CCND3: variants seen among roughly 807,000 people sequenced by gnomAD.
The protein encoded by CCND3 is cyclin D3.
In CCND3, 9 loss-of-function variants were observed where a neutral mutation model predicts 28.7. That is an observed-to-expected ratio of 0.31 (90% CI 0.19 to 0.55). The LOEUF (loss-of-function observed/expected upper bound fraction) is 0.55, where lower values mean the gene tolerates loss of function less well. Among genes scored for constraint, CCND3 ranks in the 20% least tolerant of loss-of-function variants. The probability of loss-of-function intolerance (pLI) is 0.93; values close to 1 mark genes in which losing one functional copy is unlikely to be tolerated. For missense variants in CCND3, 315 were observed against 385.8 expected (o/e 0.82, Z 1.54); for synonymous variants, 164 against 163.9 (o/e 1.00, Z 0.00).
chr6:41,982,937 G>GA (rs1005193461), intron 1 of CCND3, among the ~76,000 whole-genome samples: 2 of 148,006 alleles, frequency 1.4e-5, no homozygotes, highest in African/African-American at 5.0e-5. Flanking sequence ...CTTCACTAAG[G>GA]TCAACTAAAA....
intron 1 of CCND3, among the ~76,000 whole-genome samples, chr6:42,030,689 A>G (rs1764018211): frequency 6.6e-6 from 1 of 152,112 alleles, no homozygotes; most frequent in African/African-American, 2.4e-5. Flanking sequence ...GGAGCGGCCC[A>G]GGGGAGAGTC....
At chr6:42,046,845 A>AT (rs923086931) in intron 1 of CCND3, among the ~76,000 whole-genome samples, 1 of 152,178 alleles carries the variant, frequency 6.6e-6, no homozygotes, top group Non-Finnish European at 1.5e-5. Context: ...TCAAGTGCAC[A>AT]TTTTTTGTGG....
intron 1 of CCND3, among the ~76,000 whole-genome samples, chr6:41,979,657 G>A (rs12204285): frequency 1.4e-5 from 2 of 145,346 alleles, no homozygotes; most frequent in Non-Finnish European, 3.0e-5. Flanking sequence ...ATATATATAT[G>A]TATATATATA....
rs983473024 is a variant in CCND3 at position 41,938,817 on chromosome 6, G to T, written c.415-1423C>A. Among the ~76,000 whole-genome samples, 1 of 152,174 alleles carries T rather than the reference G, an allele frequency of 6.6e-6. No homozygotes were observed. The highest frequency in any genetic ancestry group is 6.5e-5 in the Admixed American group (1 of 15,276). ...CAGTGCGATGCTGAGGCAGGACCTT[G>T]CCCTCCTTCCTTGGGCCTCAGCCTC... On this transcript the variant is annotated intron_variant, in intron 2 of 4. Transcript: ENST00000372991. This position sits in a 1 kb window ranked among gnomAD's most constrained non-coding sequence, Gnocchi z 4.6.
chr6:41,974,615 C>T (rs1460141841), intron 1 of CCND3, among the ~76,000 whole-genome samples: 1 of 152,118 alleles, frequency 6.6e-6, no homozygotes, highest in Non-Finnish European at 1.5e-5. Flanking sequence ...AACAGCCCAA[C>T]TTAGCCGGGT....
At chr6:42,012,477 C>T (rs909857953) in intron 1 of CCND3, among the ~76,000 whole-genome samples, 2 of 127,384 alleles carry the variant, frequency 1.6e-5, no homozygotes, top group African/African-American at 8.1e-5. Context: ...ATGGTATGTG[C>T]TGTAATCCCA....
chr6:41,946,595 CAAAAAAAAAAA>C (rs35369019), upstream of CCND3, among the ~76,000 whole-genome samples: 11 of 20,932 alleles, frequency 5.3e-4, no homozygotes, highest in African/African-American at 1.5e-3. Context: ...AGACCTGTCT[CAAAAAAAAAAA>C]AAAAAAAAAA....
chr6:42,046,609 CAG>C (rs1232360504), intron 1 of CCND3, among the ~76,000 whole-genome samples: 1 of 152,170 alleles, frequency 6.6e-6, no homozygotes, highest in Non-Finnish European at 1.5e-5. Flanking sequence ...GAGGCTTACA[CAG>C]GGGGAAACAT....
chr6:41,952,457 C>G (rs1172927351), intron 1 of CCND3, among the ~76,000 whole-genome samples: 1 of 152,172 alleles, frequency 6.6e-6, no homozygotes, highest in African/African-American at 2.4e-5. Flanking sequence ...GCTATTGTAC[C>G]TGAGGCGTGA....
chr6:42,004,094 AT>A (rs59415651), intron 1 of CCND3, among the ~76,000 whole-genome samples: 1,476 of 130,586 alleles, frequency 0.011, 21 homozygotes, highest in African/African-American at 0.035. Flanking sequence ...GTGTGTATGT[AT>A]TTTTTTTTTT....
chr6:41,947,016 G>A lies in CCND3; in HGVS notation c.-45-6431C>T, dbSNP rs188654872. Among the ~76,000 whole-genome samples, 10 of 151,996 alleles carry A rather than the reference G, an allele frequency of 6.6e-5. No individual in the cohort carries two copies. In the East Asian group the frequency reaches 7.7e-4, roughly 12 times the overall value. Reference sequence around the variant, plus strand: ...GGGCAGATCACGAGGTCAGGAGATCGAGACCAGCCTAACCAACATGGTGAA... The same window carrying A: ...GGGCAGATCACGAGGTCAGGAGATCAAGACCAGCCTAACCAACATGGTGAA... On this transcript the variant is annotated intron_variant, in intron 1 of 4. Coordinates refer to the CCND3 transcript ENST00000372988.
intron 1 of CCND3, among the ~76,000 whole-genome samples, chr6:42,019,070 A>G (rs60147533): frequency 0.024 from 3,657 of 152,274 alleles, 119 homozygotes; most frequent in East Asian, 0.15. Context: ...AAACTACTCC[A>G]TATTTTCTAT....
chr6:41,987,537 G>C (rs956572800), intron 1 of CCND3, among the ~76,000 whole-genome samples: 1 of 150,284 alleles, frequency 6.7e-6, no homozygotes, highest in African/African-American at 2.4e-5. Flanking sequence ...GTGTGTGTGT[G>C]TGTGTGTGTG....
In CCND3 at chr6:41,941,704, G is replaced by C; in HGVS notation, c.-55C>G. 8.1e-7 allele frequency: 1 copy of C among 1,239,740 alleles called. No homozygotes were observed. Among genetic ancestry groups the C allele is most frequent in the Non-Finnish European group, 1.0e-6 (1 of 970,334 alleles). The allele number at this position is 1,239,740 out of a possible 1,614,324, so 76.8% of individuals were successfully genotyped here. On this transcript the variant is annotated 5_prime_UTR_variant, in exon 1 of 5. Transcript: ENST00000372991. This position sits in a 1 kb window ranked among gnomAD's most constrained non-coding sequence, Gnocchi z 6.1. ...TGCGGGCTCGCGAGTCCCAAGGCAG[G>C]CGACGGGCCGGAGAGCGCGGGGCGC... is the stretch of plus-strand genomic sequence containing the variant.
At chr6:41,956,148 C>T (rs1387141183) in intron 1 of CCND3, among the ~76,000 whole-genome samples, 2 of 151,920 alleles carry the variant, frequency 1.3e-5, no homozygotes, top group East Asian at 1.9e-4. Context: ...AAAAATTAGC[C>T]GGGTGTGGTG....
At chr6:41,976,920 A>T (rs1762200713) in intron 1 of CCND3, among the ~76,000 whole-genome samples, 3 of 152,176 alleles carry the variant, frequency 2.0e-5, no homozygotes, top group Admixed American at 2.0e-4. Flanking sequence ...GTTCAGGGTC[A>T]TAGGGCAGCA....
chr6:42,022,186 G>C (rs1763731482), intron 1 of CCND3, among the ~76,000 whole-genome samples: 1 of 152,158 alleles, frequency 6.6e-6, no homozygotes, highest in Non-Finnish European at 1.5e-5. Flanking sequence ...CGATCATCTT[G>C]CCAGGAAACA....
chr6:42,001,539 C>G (rs1763012638), intron 1 of CCND3, among the ~76,000 whole-genome samples: 1 of 152,100 alleles, frequency 6.6e-6, no homozygotes, highest in African/African-American at 2.4e-5. Flanking sequence ...CATGTATAGT[C>G]TTAACAGGGG....
At position 41,940,766 on chromosome 6, in the gene CCND3, T is replaced by G. The variant is rs542572972; in HGVS notation, c.199-181A>C. 132 of 776,564 alleles carry G rather than the reference T, an allele frequency of 1.7e-4. 1 individual carries two copies. The African/African-American group carries it at 1.9e-3, about 11-fold the overall frequency. 48.1% of individuals were successfully genotyped at this position (776,564 alleles called of 1,614,324 possible). ...CCTCCCCAAGGTGACGCCCCCCACT[T>G]CCTCTGCGCGGCCTCCTCCCCTCTC... On this transcript the variant is annotated intron_variant, in intron 1 of 4. Coordinates refer to ENST00000372991, the MANE Select transcript of CCND3 (RefSeq NM_001760.5).
Sources: gnomAD v4.1 joint callset for allele counts (sites outside exome capture counted in the v4.1 genomes callset) on GRCh38, gnomAD v4.1.1 for gene constraint, Gnocchi (gnomAD v3.1) non-coding constraint, MANE v1.5 for transcripts, NCBI Gene and HGNC (gene_info 2026-07-23, HGNC 2026-07-21) for gene names.